Variants in ARHGAP30 observed in about 807,000 individuals in gnomAD.
ARHGAP30 encodes rho GTPase-activating protein 30.
In ARHGAP30, 23 loss-of-function variants were observed where a neutral mutation model predicts 72.0. That is an observed-to-expected ratio of 0.32 (90% CI 0.23 to 0.45). The LOEUF (loss-of-function observed/expected upper bound fraction) is 0.45. Ranked by LOEUF, ARHGAP30 falls within the 20% of genes least tolerant of loss-of-function variation. The pLI is 1.00. For missense variants in ARHGAP30, 1,319 were observed against 1,383.4 expected (o/e 0.95, Z 0.74); for synonymous variants, 576 against 528.2 (o/e 1.09, Z -1.24).
rs548468892 is a variant in ARHGAP30, at chr1:161,057,414, A to G, written c.201-882T>C. On this transcript the variant is annotated intron_variant, in intron 2 of 11. Coordinates refer to ENST00000368013, the MANE Select transcript of ARHGAP30 (RefSeq NM_001025598.2). ...GTTTGAATAAACATGGTATTGCTCC[A>G]AAGAAGATATGCAAGTAGACAATAA... Among the ~76,000 whole-genome samples, 4 of 152,380 alleles carry G rather than the reference A, an allele frequency of 2.6e-5. No homozygotes were observed. The East Asian group carries it at 5.8e-4, about 22-fold the overall frequency.
chr1:161,058,668 C>T (rs1369432211), intron 2 of ARHGAP30, among the ~76,000 whole-genome samples: 1 of 145,672 alleles, frequency 6.9e-6, no homozygotes. Flanking sequence ...TAAGACCAGC[C>T]TGGCCGACAT....
In ARHGAP30 at chr1:161,052,429, C is replaced by T; in HGVS notation, c.940+11G>A. ...CCCTCAGCAGAGCTCCCCCCATCTCCCCAGACTTACCCCTGTCCTCAGCCC... is the reference window on the plus strand; with the variant it reads ...CCCTCAGCAGAGCTCCCCCCATCTCTCCAGACTTACCCCTGTCCTCAGCCC... On this transcript the variant is annotated intron_variant, in intron 8 of 11. Coordinates refer to ENST00000368013, the MANE Select transcript of ARHGAP30 (RefSeq NM_001025598.2). 1 of 1,613,880 alleles carries T rather than the reference C, an allele frequency of 6.2e-7. No individual in the cohort carries two copies. The highest frequency in any genetic ancestry group is 8.5e-7 in the Non-Finnish European group (1 of 1,179,984).
At chr1:161,052,570 G>A (rs766419948) in intron 7 of ARHGAP30, 27 bp from the exon 8 acceptor site, 10 of 1,614,032 alleles carry the variant, frequency 6.2e-6, no homozygotes, top group Non-Finnish European at 8.5e-6. Flanking sequence ...GGCATAATTG[G>A]AGGTTGGAAC....
intron 10 of ARHGAP30, among the ~76,000 whole-genome samples, chr1:161,050,295 C>CTTTT (rs34136308): frequency 1.3e-4 from 16 of 118,618 alleles, no homozygotes; most frequent in Admixed American, 2.9e-4. Flanking sequence ...GCACTTGGAC[C>CTTTT]TTTTTTTTTT....
At position 161,048,606 on chromosome 1, in the gene ARHGAP30, C is replaced by T. The variant is rs1002262460; in HGVS notation, c.2415G>A (p.Lys805=). ...REDEDKGQRE[K]GYHEARKDQG... Reference sequence around the variant, plus strand: ...GGTCTTTTCTTGCTTCATGGTACCCCTTCTCCCTCTGTCCTTTGTCCTCAT... The same window carrying T: ...GGTCTTTTCTTGCTTCATGGTACCCTTTCTCCCTCTGTCCTTTGTCCTCAT... The change falls in exon 12 of 12, where the codon AAG becomes AAA. Residue 805 remains lysine, a synonymous_variant. Transcript: ENST00000368013. 4 of 1,614,022 alleles carry T rather than the reference C, an allele frequency of 2.5e-6. No homozygotes were observed. Among genetic ancestry groups the T allele is most frequent in the Middle Eastern group, 1.6e-4 (1 of 6,062 alleles).
rs1319177617 is a variant in ARHGAP30, at chr1:161,059,116, C to A, written c.200+498G>T. Among the ~76,000 whole-genome samples the A allele has an allele frequency of 9.9e-4, 150 of 151,864 alleles. 2 individuals carry two copies. Among genetic ancestry groups the A allele is most frequent in the Non-Finnish European group, 1.0e-4 (7 of 67,968 alleles). ...CAATCTTGGCTCACTGCAACCTCTG[C>A]CTCCTGGGTTGGAGCAATTCTCCTG... On this transcript the variant is annotated intron_variant, in intron 2 of 11. Transcript: ENST00000368013.
At chr1:161,065,956 G>A in intron 1 of ARHGAP30, among the ~76,000 whole-genome samples, 1 of 151,076 alleles carries the variant, frequency 6.6e-6, no homozygotes, top group Non-Finnish European at 1.5e-5. Flanking sequence ...GAGTGCAGTG[G>A]TGCAGTCTTG....
intron 5 of ARHGAP30, among the ~76,000 whole-genome samples, 190 bp downstream of exon 5, chr1:161,054,176 A>G (rs1336026441): frequency 6.6e-6 from 1 of 152,210 alleles, no homozygotes; most frequent in Non-Finnish European, 1.5e-5. Context: ...TTATTTGATC[A>G]CAGAGAAGGG....
chr1:161,055,900 TAAA>T lies in ARHGAP30; in HGVS notation c.345+485_345+487del, dbSNP rs1324718382. Reference sequence around the variant, plus strand: ...TAAAATAAAAATAAATAAAATAAAATAAAATAAAATAAAATAAAATAAAATAAA... The same window carrying T: ...TAAAATAAAAATAAATAAAATAAAATATAAAATAAAATAAAATAAAATAAA... On this transcript the variant is annotated intron_variant, in intron 3 of 11. Transcript: ENST00000368013. Among the ~76,000 whole-genome samples the T allele has an allele frequency of 2.0e-3, 41 of 20,468 alleles. 1 individual carries two copies. In the South Asian group the frequency reaches 0.038, roughly 19 times the overall value. 13.4% of individuals were successfully genotyped at this position (20,468 alleles called of 152,430 possible).
chr1:161,049,466 A>C lies in ARHGAP30; in HGVS notation c.1644T>G (p.Pro548=). The change falls in exon 11 of 12, where the codon CCT becomes CCG. Residue 548 remains proline (P), a synonymous_variant. Coordinates refer to ENST00000368013, the MANE Select transcript of ARHGAP30 (RefSeq NM_001025598.2). The part of the protein sequence containing the change: ...GAAFSPGEDD[P]GMGYLEELLG... The stretch of plus-strand genomic sequence containing the variant: ...GGAGCTCCTCCAGGTAGCCCATCCC[A>C]GGGTCGTCCTCCCCAGGGGAGAAGG... 1 of 1,613,542 alleles carries C rather than the reference A, an allele frequency of 6.2e-7. No homozygotes were observed. Among genetic ancestry groups the C allele is most frequent in the Non-Finnish European group, 8.5e-7 (1 of 1,179,796 alleles).
intron 5 of ARHGAP30, 123 bp from the exon 6 acceptor site, chr1:161,053,508 A>ATCTCTCTC (rs1553217392): frequency 2.6e-4 from 185 of 720,012 alleles, no homozygotes; most frequent in Admixed American, 7.1e-4. Context: ...CTCTCTCTCG[A>ATCTCTCTC]ATGACCTTAA....
At chr1:161,065,674 C>G (rs1290122942) in intron 1 of ARHGAP30, among the ~76,000 whole-genome samples, 1 of 151,172 alleles carries the variant, frequency 6.6e-6, no homozygotes, top group Non-Finnish European at 1.5e-5. Context: ...TCAAGAGATT[C>G]TCCTGCCTCA....
At chr1:161,049,785 C>G in intron 10 of ARHGAP30, 96 bp from the exon 11 acceptor site, 2 of 1,459,752 alleles carry the variant, frequency 1.4e-6, no homozygotes, top group South Asian at 1.3e-5. Flanking sequence ...GGGCCCAGCA[C>G]TCCCAGCATT....
intron 1 of ARHGAP30, among the ~76,000 whole-genome samples, chr1:161,062,201 C>T (rs919238198): frequency 6.6e-6 from 1 of 152,166 alleles, no homozygotes; most frequent in Non-Finnish European, 1.5e-5. Flanking sequence ...GCATACACCC[C>T]ACTCTGCCCC....
chr1:161,067,646 A>G (rs781559601), intron 1 of ARHGAP30, among the ~76,000 whole-genome samples: 17 of 152,184 alleles, frequency 1.1e-4, no homozygotes, highest in Non-Finnish European at 2.5e-4. Context: ...CAGTATATAC[A>G]GGGCTTAAGG....
At position 161,052,786 on chromosome 1, in the gene ARHGAP30, C is replaced by T. The variant is rs1284488498; in HGVS notation, c.676G>A (p.Glu226Lys). The T allele has an allele frequency of 3.1e-6, 5 of 1,610,596 alleles. No homozygotes were observed. Among genetic ancestry groups the T allele is most frequent in the African/African-American group, 1.3e-5 (1 of 74,784 alleles). ...CCTGGAAGCGATCGCCACCCACTCT[C>T]CACCTCACCACCTGGGAAAAGAAAA... ...GGAALSGGEVESGWRSLPGTR... is the reference protein window; with the variant it reads ...GGAALSGGEVKSGWRSLPGTR... Residue 226 changes from glutamate to lysine, a missense_variant, in exon 7 of 12, where the codon GAG becomes AAG. This residue lies in a region of ARHGAP30 where 222 missense variants were observed against 338.2 expected (regional missense o/e 0.66). Coordinates refer to ENST00000368013, the MANE Select transcript of ARHGAP30 (RefSeq NM_001025598.2).
At chr1:161,059,483 A>AC (rs1652161519) in intron 2 of ARHGAP30, 131 bp downstream of exon 2, 4 of 720,186 alleles carry the variant, frequency 5.6e-6, no homozygotes, top group Non-Finnish European at 9.1e-6. Context: ...CTAGGACCTT[A>AC]CCTAGTATCT....
At position 161,069,500 on chromosome 1, in the gene ARHGAP30, C is replaced by G. The variant is rs770158662; in HGVS notation, c.97+28G>C. ...AGATGCCCAGTGCCTCCCCACCCACCCTGCAGAAGCTGAGCCGGCCTCCTT... is the reference window on the plus strand; with the variant it reads ...AGATGCCCAGTGCCTCCCCACCCACGCTGCAGAAGCTGAGCCGGCCTCCTT... On this transcript the variant is annotated intron_variant, in intron 1 of 11. Coordinates refer to ENST00000368013, the MANE Select transcript of ARHGAP30 (RefSeq NM_001025598.2). This position sits in a 1 kb window ranked among gnomAD's most constrained non-coding sequence, Gnocchi z 4.9. 7 of 1,602,396 alleles carry G rather than the reference C, an allele frequency of 4.4e-6. No individual in the cohort carries two copies. Among genetic ancestry groups the G allele is most frequent in the Non-Finnish European group, 5.1e-6 (6 of 1,177,024 alleles).
intron 1 of ARHGAP30, among the ~76,000 whole-genome samples, chr1:161,068,638 C>A (rs1241997056): frequency 6.6e-6 from 1 of 152,124 alleles, no homozygotes; most frequent in African/African-American, 2.4e-5. Flanking sequence ...ACAAGCTGGG[C>A]TGGGCAGCCA....
Sources: gnomAD v4.1 joint callset for allele counts (sites outside exome capture counted in the v4.1 genomes callset) on GRCh38, gnomAD v4.1.1 for gene constraint, gnomAD v4.1.1 regional missense constraint, Gnocchi (gnomAD v3.1) non-coding constraint, MANE v1.5 for transcripts, NCBI Gene and HGNC (gene_info 2026-07-23, HGNC 2026-07-21) for gene names.